The following WNK2 variants were observed in gnomAD, a reference collection of about 807,000 sequenced individuals.
The protein encoded by WNK2 is WNK lysine deficient protein kinase 2, also known as serine/threonine-protein kinase WNK2.
In WNK2, 67 loss-of-function variants were observed where a neutral mutation model predicts 192.1. The observed-to-expected ratio is 0.35, with a 90% CI of 0.29 to 0.43. WNK2 has a LOEUF of 0.43. Among genes scored for constraint, WNK2 ranks in the 20% least tolerant of loss-of-function variants. The pLI, the probability that WNK2 is intolerant of heterozygous loss-of-function variation, is 1.00. For missense variants in WNK2, 2,698 were observed against 3,089.7 expected (o/e 0.87, Z 3.01); for synonymous variants, 1,439 against 1,393.9 (o/e 1.03, Z -0.72).
intron 7 of WNK2, among the ~76,000 whole-genome samples, chr9:93,244,305 G>A (rs1841286670): frequency 6.6e-6 from 1 of 152,194 alleles, no homozygotes; most frequent in Admixed American, 6.5e-5. Flanking sequence ...AGATGAAATA[G>A]CGGGCTCTGT....
At chr9:93,237,824 C>T (rs1341935720) in intron 5 of WNK2, among the ~76,000 whole-genome samples, 1 of 151,620 alleles carries the variant, frequency 6.6e-6, no homozygotes, top group Admixed American at 6.6e-5. Flanking sequence ...TCAGCAAAGG[C>T]TGGAGGGGAC....
chr9:93,243,583 C>T (rs1448933668), intron 7 of WNK2, among the ~76,000 whole-genome samples: 1 of 152,208 alleles, frequency 6.6e-6, no homozygotes, highest in East Asian at 1.9e-4. Flanking sequence ...AAACAGCACC[C>T]GCCCCACTCT....
Position 93,238,228 on chromosome 9 carries a change from G to T in WNK2, c.1234-5G>T. The T allele has an allele frequency of 6.2e-7, 1 of 1,613,980 alleles. No individual in the cohort carries two copies. ...GGTCAGGTAACTCTGCTCTCTCCCT[G>T]TCAGGGTATCAAGCCGGCCAGCTTT... On this transcript the variant is annotated splice_polypyrimidine_tract_variant and splice_region_variant and intron_variant, in intron 5 of 29. Transcript: ENST00000427277.
chr9:93,186,736 A>G (rs2130871109), intron 2 of WNK2, among the ~76,000 whole-genome samples: 1 of 152,334 alleles, frequency 6.6e-6, no homozygotes, highest in Non-Finnish European at 1.5e-5. Flanking sequence ...AGCCTGGATA[A>G]TTCGGTGGGT....
chr9:93,198,644 A>G (rs955974969), intron 2 of WNK2, among the ~76,000 whole-genome samples: 1 of 152,196 alleles, frequency 6.6e-6, no homozygotes, highest in South Asian at 2.1e-4. Context: ...CACAGCCTCC[A>G]TCCTCTGATG....
intron 28 of WNK2, among the ~76,000 whole-genome samples, chr9:93,310,855 C>T (rs1853513595): frequency 6.6e-6 from 1 of 152,126 alleles, no homozygotes; most frequent in Non-Finnish European, 1.5e-5. Context: ...TCCCAGCCAC[C>T]CGGGAGGCTG....
At chr9:93,224,095 G>A (rs1345405563) in intron 2 of WNK2, among the ~76,000 whole-genome samples, 4 of 152,124 alleles carry the variant, frequency 2.6e-5, no homozygotes, top group African/African-American at 9.7e-5. Context: ...TTGATTTACG[G>A]CCCCACGGAA....
chr9:93,269,826 T>C (rs1333384035), intron 19 of WNK2, among the ~76,000 whole-genome samples: 2 of 152,226 alleles, frequency 1.3e-5, no homozygotes, highest in Admixed American at 1.3e-4. Flanking sequence ...TTTGAGCTGG[T>C]CTTTTTTCTA....
At chr9:93,242,539 A>G (rs1290768107) in intron 7 of WNK2, among the ~76,000 whole-genome samples, 1 of 152,280 alleles carries the variant, frequency 6.6e-6, no homozygotes, top group Non-Finnish European at 1.5e-5. Flanking sequence ...GATGTAATAC[A>G]GCTGTCCGTT....
chr9:93,279,491 C>G (rs1208792986), intron 19 of WNK2, among the ~76,000 whole-genome samples: 3 of 152,174 alleles, frequency 2.0e-5, no homozygotes, highest in East Asian at 3.8e-4. Context: ...TGTTACAGTG[C>G]TAATTCTCCC....
intron 2 of WNK2, among the ~76,000 whole-genome samples, chr9:93,220,245 G>C (rs1836603238): frequency 6.6e-6 from 1 of 152,210 alleles, no homozygotes; most frequent in Admixed American, 6.5e-5. Flanking sequence ...CCACTACACA[G>C]ATGGGGAGCT....
At chr9:93,208,181 G>T (rs1172242287) in intron 2 of WNK2, among the ~76,000 whole-genome samples, 1 of 152,246 alleles carries the variant, frequency 6.6e-6, no homozygotes, top group Non-Finnish European at 1.5e-5. Flanking sequence ...CCAAATTACT[G>T]GCTTTGGAGA....
At chr9:93,262,583 G>A (rs1025875549) in intron 13 of WNK2, 87 bp from the exon 14 acceptor site, 8 of 1,446,112 alleles carry the variant, frequency 5.5e-6, no homozygotes, top group Non-Finnish European at 7.7e-6. Flanking sequence ...AGGAAGTGGG[G>A]AGGGAGAGCT....
Position 93,288,813 on chromosome 9 carries a change from G to A in WNK2, c.4059G>A (p.Leu1353=), listed in dbSNP as rs752592215. The A allele has an allele frequency of 2.3e-5, 37 of 1,611,870 alleles. 1 individual carries two copies. The East Asian group carries it at 7.1e-4, about 31-fold the overall frequency. ...SQDSAPYKDQ[L]SSKEQPSFLA... ...ATTCAGCGCCCTATAAAGACCAGCT[G>A]TCCTCGAAGGAACAACCCAGCTTTC... is the stretch of plus-strand genomic sequence containing the variant. The change falls in exon 20 of 30, where the codon CTG becomes CTA. Residue 1353 remains leucine, a synonymous_variant. Transcript: ENST00000427277.
chr9:93,318,519 G>A (rs779872153), intron 29 of WNK2: 1 of 1,614,100 alleles, frequency 6.2e-7, no homozygotes, highest in Admixed American at 1.7e-5. Context: ...AACGTTAGGT[G>A]AGCAGACATG....
chr9:93,231,244 G>A (rs991017433), intron 4 of WNK2, 136 bp downstream of exon 4: 14 of 839,876 alleles, frequency 1.7e-5, no homozygotes, highest in African/African-American at 1.0e-4. Context: ...CGGGAGCCTC[G>A]GGCCAGGGTG....
rs1840477630 is a variant in WNK2, at chr9:93,239,998, T to G, written c.1542+22T>G. 1 of 1,598,612 alleles carries G rather than the reference T, an allele frequency of 6.3e-7. No homozygotes were observed. Among genetic ancestry groups the G allele is most frequent in the South Asian group, 1.1e-5 (1 of 88,430 alleles). Reference sequence around the variant, plus strand: ...GATGGTAAGCAGGACTCAGATGGGGTGAGGTGGGTGCAGGTGTTGGCAGCT... The same window carrying G: ...GATGGTAAGCAGGACTCAGATGGGGGGAGGTGGGTGCAGGTGTTGGCAGCT... On this transcript the variant is annotated intron_variant, in intron 7 of 29. Transcript: ENST00000427277. This position sits in a 1 kb window ranked among gnomAD's most constrained non-coding sequence, Gnocchi z 4.2.
chr9:93,316,960 G>C (rs1289929830), intron 28 of WNK2: 1 of 163,712 alleles, frequency 6.1e-6, no homozygotes, highest in Non-Finnish European at 1.3e-5. Context: ...TGCCCAGTGG[G>C]GCCCTCCCTG....
At chr9:93,192,306 C>T (rs569795453) in intron 2 of WNK2, among the ~76,000 whole-genome samples, 21 of 151,274 alleles carry the variant, frequency 1.4e-4, no homozygotes, top group South Asian at 4.2e-4. Context: ...AGCGAGACTC[C>T]GTCTCAAGAA....
Sources: allele counts gnomAD v4.1 joint callset (sites outside exome capture counted in the v4.1 genomes callset), GRCh38; gene constraint gnomAD v4.1.1; non-coding constraint Gnocchi (gnomAD v3.1); transcripts MANE v1.5; gene names NCBI Gene and HGNC (gene_info 2026-07-23, HGNC 2026-07-21).